Variants in PLCB1 observed in about 807,000 individuals in gnomAD.
The protein encoded by PLCB1 is 1-phosphatidylinositol 4,5-bisphosphate phosphodiesterase beta-1.
In PLCB1, 46 loss-of-function variants were observed where a neutral mutation model predicts 161.8. The ratio of observed to expected loss-of-function variants is 0.28; its 90% CI spans 0.22 to 0.36. The LOEUF is 0.36. Ranked by LOEUF, PLCB1 falls within the 10% of genes least tolerant of loss-of-function variation. The pLI, the probability that PLCB1 is intolerant of heterozygous loss-of-function variation, is 1.00. For synonymous variants in PLCB1, 517 were observed against 503.7 expected, an observed-to-expected ratio of 1.03 and a Z score of -0.35; for missense variants, 1,016 against 1,472.5, an observed-to-expected ratio of 0.69 and a Z score of 5.07.
chr20:8,275,281 G>GTGTC lies in PLCB1; in HGVS notation c.178-96098_178-96097insCTGT, dbSNP rs1555794546. On this transcript the variant is annotated intron_variant, in intron 2 of 31. Transcript: ENST00000338037. ...TGTGTGTGTGTGTGTGTGTGTGTGT[G>GTGTC]TGTGTGAAGCGGCACATGGTCAGGC... 1.6e-3 allele frequency among the ~76,000 whole-genome samples: 240 copies of GTGTC among 151,924 alleles called. 1 individual carries two copies. Among genetic ancestry groups the GTGTC allele is most frequent in the Non-Finnish European group, 2.9e-3 (196 of 67,924 alleles).
chr20:8,834,895 A>G (rs1276260293), intron 31 of PLCB1, among the ~76,000 whole-genome samples: 1 of 150,790 alleles, frequency 6.6e-6, no homozygotes, highest in Admixed American at 6.6e-5. Context: ...GCCATCAGGC[A>G]GGAGAATTCT....
chr20:8,577,087 ACAAT>A (rs558578295), intron 3 of PLCB1, among the ~76,000 whole-genome samples: 264 of 152,236 alleles, frequency 1.7e-3, no homozygotes, highest in Admixed American at 3.6e-3. Flanking sequence ...TAAAAAACCA[ACAAT>A]CAAGTCATGT....
chr20:8,540,950 A>G (rs1985291317), intron 3 of PLCB1, among the ~76,000 whole-genome samples: 1 of 152,108 alleles, frequency 6.6e-6, no homozygotes, highest in Non-Finnish European at 1.5e-5. Context: ...GCAATGAGGC[A>G]TATCATTATT....
At chr20:8,283,521 A>T (rs2123288465) in intron 2 of PLCB1, among the ~76,000 whole-genome samples, 1 of 151,214 alleles carries the variant, frequency 6.6e-6, no homozygotes, top group South Asian at 2.1e-4. Context: ...CTTTATTTTA[A>T]TGGCTGCATA....
rs1319792862 is a variant in PLCB1, at chr20:8,391,799, A to G, written c.246+20349A>G. Among the ~76,000 whole-genome samples the G allele has an allele frequency of 7.4e-4, 96 of 129,190 alleles. 1 individual carries two copies. Among genetic ancestry groups the G allele is most frequent in the South Asian group, 1.6e-3 (7 of 4,408 alleles). 84.8% of individuals were successfully genotyped at this position (129,190 alleles called of 152,430 possible). A position where few individuals can be genotyped will look rare whatever the true frequency, so the allele number is the denominator to read the frequency against. On this transcript the variant is annotated intron_variant, in intron 3 of 31. Transcript: ENST00000338037. ...TATATGTGTGTGTATATATATATAT[A>G]TATATATATATATATATATATATAT...
chr20:8,839,142 G>C (rs981241967), intron 31 of PLCB1, among the ~76,000 whole-genome samples: 1 of 152,178 alleles, frequency 6.6e-6, no homozygotes, highest in African/African-American at 2.4e-5. Flanking sequence ...CAAGACATTT[G>C]CATGTCAGAG....
At chr20:8,758,867 T>A (rs953465150) in intron 24 of PLCB1, among the ~76,000 whole-genome samples, 9 of 152,166 alleles carry the variant, frequency 5.9e-5, no homozygotes, top group Non-Finnish European at 1.3e-4. Flanking sequence ...AAAAATAACC[T>A]CTTCTTCCCC....
At chr20:8,280,440 C>T (rs1409733480) in intron 2 of PLCB1, among the ~76,000 whole-genome samples, 1 of 151,902 alleles carries the variant, frequency 6.6e-6, no homozygotes, top group East Asian at 1.9e-4. Flanking sequence ...CTTAACTCTA[C>T]TATTTTCTAT....
At chr20:8,298,615 G>A (rs931411429) in intron 2 of PLCB1, among the ~76,000 whole-genome samples, 2 of 147,066 alleles carry the variant, frequency 1.4e-5, no homozygotes, top group African/African-American at 5.0e-5. Flanking sequence ...TCCTCAACAT[G>A]TAATGAGTCA....
chr20:8,534,430 G>A (rs904358912), intron 3 of PLCB1, among the ~76,000 whole-genome samples: 27 of 152,292 alleles, frequency 1.8e-4, no homozygotes, highest in African/African-American at 6.3e-4. Context: ...TACAAAACCT[G>A]TCCTCATGGT....
At chr20:8,254,528 A>G (rs564999924) in intron 2 of PLCB1, among the ~76,000 whole-genome samples, 1 of 152,004 alleles carries the variant, frequency 6.6e-6, no homozygotes, top group African/African-American at 2.4e-5. Flanking sequence ...GGACTTGAGT[A>G]TAAATCAGGC....
chr20:8,379,070 A>G (rs1568653920), intron 3 of PLCB1, among the ~76,000 whole-genome samples: 2 of 151,944 alleles, frequency 1.3e-5, no homozygotes, highest in African/African-American at 4.8e-5. Context: ...TGCTATGTCT[A>G]TTGACTCGTC....
At chr20:8,750,145 G>T (rs956008120) in intron 23 of PLCB1, among the ~76,000 whole-genome samples, 1 of 152,178 alleles carries the variant, frequency 6.6e-6, no homozygotes, top group Non-Finnish European at 1.5e-5. Context: ...CCATGTGAAT[G>T]CTGTTGACTC....
chr20:8,403,217 C>A (rs1177920889), intron 3 of PLCB1, among the ~76,000 whole-genome samples: 1 of 152,194 alleles, frequency 6.6e-6, no homozygotes, highest in East Asian at 1.9e-4. Flanking sequence ...GAAACCCTCC[C>A]TCCTCAGCCC....
intron 2 of PLCB1, among the ~76,000 whole-genome samples, chr20:8,167,525 C>A: frequency 6.6e-6 from 1 of 152,166 alleles, no homozygotes; most frequent in East Asian, 1.9e-4. Flanking sequence ...TACCGACCAA[C>A]ACTCCTTCTA....
intron 2 of PLCB1, among the ~76,000 whole-genome samples, chr20:8,351,408 T>G (rs537534506): frequency 1.3e-5 from 2 of 152,008 alleles, no homozygotes; most frequent in Non-Finnish European, 2.9e-5. Flanking sequence ...ATAGAATAAA[T>G]TTTGTACAAT....
intron 2 of PLCB1, among the ~76,000 whole-genome samples, chr20:8,284,799 G>T (rs1983036931): frequency 6.6e-6 from 1 of 151,658 alleles, no homozygotes; most frequent in South Asian, 2.1e-4. Flanking sequence ...ATTTCTCTTG[G>T]GTCTGCTTGG....
At chr20:8,801,450 C>T (rs535609152) in intron 31 of PLCB1, among the ~76,000 whole-genome samples, 1 of 152,308 alleles carries the variant, frequency 6.6e-6, no homozygotes, top group African/African-American at 2.4e-5. Flanking sequence ...TCCTTGAGTA[C>T]TGCCCCACCC....
At chr20:8,284,658 G>GC (rs954683930) in intron 2 of PLCB1, among the ~76,000 whole-genome samples, 7 of 152,176 alleles carry the variant, frequency 4.6e-5, no homozygotes, top group African/African-American at 1.7e-4. Flanking sequence ...TCTTGAAATT[G>GC]CCCCCCAAAA....
Sources: allele counts gnomAD v4.1 joint callset (sites outside exome capture counted in the v4.1 genomes callset), GRCh38; gene constraint gnomAD v4.1.1; transcripts MANE v1.5; gene names NCBI Gene and HGNC (gene_info 2026-07-23, HGNC 2026-07-21).